The following ATP2B2 variants were observed in gnomAD, a reference collection of about 807,000 sequenced individuals.
ATP2B2 encodes plasma membrane calcium-transporting ATPase 2.
ATP2B2 carries 15 observed loss-of-function variants against 120.0 expected under a neutral mutation model. The ratio of observed to expected loss-of-function variants is 0.12; its 90% confidence interval spans 0.08 to 0.19. The LOEUF (loss-of-function observed/expected upper bound fraction) is 0.19, where lower values mean the gene tolerates loss of function less well. ATP2B2 is among the 10% of genes least tolerant of loss of function. The pLI, the probability that ATP2B2 is intolerant of heterozygous loss-of-function variation, is 1.00. For missense variants in ATP2B2, 1,045 were observed against 1,719.8 expected (o/e 0.61, Z 6.94); for synonymous variants, 694 against 700.3 (o/e 0.99, Z 0.14).
intron 1 of ATP2B2, among the ~76,000 whole-genome samples, chr3:10,639,634 C>A (rs1206348952): frequency 6.6e-6 from 1 of 152,158 alleles, no homozygotes; most frequent in Non-Finnish European, 1.5e-5. Context: ...AACATTCAGA[C>A]CCTAGCAGAT....
At chr3:10,360,708 A>G (rs2060872692) in intron 12 of ATP2B2, among the ~76,000 whole-genome samples, 1 of 152,218 alleles carries the variant, frequency 6.6e-6, no homozygotes, top group South Asian at 2.1e-4. Flanking sequence ...CACAAGTACC[A>G]CAACTGAGAT....
At chr3:10,386,420 A>G (rs1004558477) in intron 7 of ATP2B2, 60 bp downstream of exon 7, 11 of 1,582,510 alleles carry the variant, frequency 7.0e-6, no homozygotes, top group South Asian at 2.2e-5. Flanking sequence ...GCAGGGCCCA[A>G]TGACCAAAGC....
chr3:10,511,627 A>G (rs1240949226), intron 3 of ATP2B2, among the ~76,000 whole-genome samples: 2 of 152,156 alleles, frequency 1.3e-5, no homozygotes, highest in African/African-American at 4.8e-5. Flanking sequence ...AGGAGACCCC[A>G]ACTCCACTCA....
At chr3:10,585,657 T>C (rs2068494261) in intron 2 of ATP2B2, among the ~76,000 whole-genome samples, 1 of 152,074 alleles carries the variant, frequency 6.6e-6, no homozygotes, top group African/African-American at 2.4e-5. Context: ...TTGTTCCTGC[T>C]TGGGGCCTCT....
Position 10,347,759 on chromosome 3 carries a change from T to C in ATP2B2, c.2405-1622A>G, listed in dbSNP as rs1273184676. ...CAGGTGGTGCGGACCGTTGCGTAGC[T>C]CAAGCTGTGCGGAAAGCTGGGAGGA... On this transcript the variant is annotated intron_variant, in intron 16 of 22. Coordinates refer to ENST00000360273, the MANE Select transcript of ATP2B2 (RefSeq NM_001001331.4). This position sits in a 1 kb window ranked among gnomAD's most constrained non-coding sequence, Gnocchi z 5.2. Among the ~76,000 whole-genome samples, 5 of 152,144 alleles carry C rather than the reference T, an allele frequency of 3.3e-5. No individual in the cohort carries two copies. Among genetic ancestry groups the C allele is most frequent in the African/African-American group, 1.2e-4 (5 of 41,422 alleles).
chr3:10,661,674 C>T (rs1447285791), intron 1 of ATP2B2, among the ~76,000 whole-genome samples: 5 of 152,154 alleles, frequency 3.3e-5, no homozygotes, highest in Admixed American at 1.3e-4. Context: ...GCCATACTGC[C>T]GAAGGTAATT....
chr3:10,598,028 C>T (rs2125587926), intron 2 of ATP2B2, among the ~76,000 whole-genome samples: 1 of 152,268 alleles, frequency 6.6e-6, no homozygotes, highest in East Asian at 1.9e-4. Flanking sequence ...ATGGACAACA[C>T]AGTTTCTGCT....
intron 11 of ATP2B2, 23 bp from the exon 12 acceptor site, chr3:10,372,074 G>C: frequency 3.1e-6 from 5 of 1,613,984 alleles, no homozygotes; most frequent in Non-Finnish European, 4.2e-6. Flanking sequence ...GCAGGTGAGA[G>C]GGCAACAGTG....
intron 1 of ATP2B2, among the ~76,000 whole-genome samples, chr3:10,683,760 G>GTGTGTGTGTGTGTATATA (rs1446781892): frequency 3.7e-5 from 2 of 53,914 alleles, no homozygotes; most frequent in East Asian, 9.6e-4. Context: ...GTGTGTGTGT[G>GTGTGTGTGTGTGTATATA]TATATATATA....
chr3:10,551,549 G>T (rs2067670540), intron 2 of ATP2B2, among the ~76,000 whole-genome samples: 1 of 152,218 alleles, frequency 6.6e-6, no homozygotes, highest in Non-Finnish European at 1.5e-5. Context: ...TTTGTATAAA[G>T]AAATATTTTG....
At chr3:10,485,285 T>C (rs2065598435) in intron 1 of ATP2B2, among the ~76,000 whole-genome samples, 1 of 152,228 alleles carries the variant, frequency 6.6e-6, no homozygotes, top group Admixed American at 6.5e-5. Flanking sequence ...TTATCCCTAT[T>C]TTACAGCTGT....
chr3:10,596,414 C>G (rs2068765678), intron 2 of ATP2B2, among the ~76,000 whole-genome samples: 2 of 152,206 alleles, frequency 1.3e-5, no homozygotes, highest in Non-Finnish European at 2.9e-5. Flanking sequence ...GAATGAACTT[C>G]GTAACCGGTC....
At chr3:10,360,890 C>CT (rs1224081948) in intron 12 of ATP2B2, among the ~76,000 whole-genome samples, 1 of 152,190 alleles carries the variant, frequency 6.6e-6, no homozygotes, top group East Asian at 1.9e-4. Context: ...TTGTACTACC[C>CT]TTTTTTTAAA....
At chr3:10,470,538 G>C (rs2064940192) in intron 1 of ATP2B2, among the ~76,000 whole-genome samples, 1 of 152,220 alleles carries the variant, frequency 6.6e-6, no homozygotes, top group South Asian at 2.1e-4. Context: ...TGGGGCAGGG[G>C]GTGAGGGGTA....
chr3:10,597,254 C>T (rs900313634), intron 2 of ATP2B2, among the ~76,000 whole-genome samples: 1 of 149,082 alleles, frequency 6.7e-6, no homozygotes, highest in African/African-American at 2.5e-5. Context: ...CAGGCACACA[C>T]ACAGACACAG....
rs77883296 is a variant in ATP2B2, at chr3:10,639,672, G to C, written c.-459-19711C>G. On this transcript the variant is annotated intron_variant, in intron 1 of 21. Coordinates refer to the ATP2B2 transcript ENST00000646379. Reference sequence around the variant, plus strand: ...CAAGGCACCCAGAGACTAGTGACTGGGTGCGGAGTTGTTGCCACACCTAGG... The same window carrying C: ...CAAGGCACCCAGAGACTAGTGACTGCGTGCGGAGTTGTTGCCACACCTAGG... 9.5e-3 allele frequency among the ~76,000 whole-genome samples: 1,448 copies of C among 152,302 alleles called. 15 individuals are homozygous for C. Among genetic ancestry groups the C allele is most frequent in the Non-Finnish European group, 0.016 (1,079 of 68,028 alleles).
Position 10,474,992 on chromosome 3 carries a change from C to T in ATP2B2, c.-319-25130G>A, listed in dbSNP as rs190058787. On this transcript the variant is annotated intron_variant, in intron 1 of 22. Transcript: ENST00000360273. ...CCATGTCACCACCCCACGTCTGAAA[C>T]GTATCATCACAGCTTGGGCTGAGAA... 2.8e-4 allele frequency among the ~76,000 whole-genome samples: 42 copies of T among 152,350 alleles called. 1 individual carries two copies. In the East Asian group the frequency reaches 4.8e-3, roughly 17 times the overall value.
At chr3:10,519,413 A>G (rs1403726043) in intron 3 of ATP2B2, among the ~76,000 whole-genome samples, 1 of 152,234 alleles carries the variant, frequency 6.6e-6, no homozygotes, top group Admixed American at 6.5e-5. Context: ...GAGGGAACAG[A>G]GCAAGAAAGA....
chr3:10,518,818 T>G (rs1261600622), intron 3 of ATP2B2, among the ~76,000 whole-genome samples: 1 of 152,210 alleles, frequency 6.6e-6, no homozygotes, highest in Non-Finnish European at 1.5e-5. Context: ...GTCTCCCCTC[T>G]GTCGGGGACA....
Sources: allele counts gnomAD v4.1 joint callset (sites outside exome capture counted in the v4.1 genomes callset), GRCh38; gene constraint gnomAD v4.1.1; non-coding constraint Gnocchi (gnomAD v3.1); transcripts MANE v1.5; gene names NCBI Gene and HGNC (gene_info 2026-07-23, HGNC 2026-07-21).